CTNNA3: variants seen among roughly 807,000 people sequenced by gnomAD.
CTNNA3 encodes the protein catenin alpha 3.
In CTNNA3, 76 loss-of-function variants were observed where a neutral mutation model predicts 95.7. The observed-to-expected ratio is 0.79, with a 90% CI of 0.66 to 0.96. The LOEUF is 0.96. Among genes scored for constraint, CTNNA3 ranks in the 40% least tolerant of loss-of-function variants. CTNNA3 has a pLI of 0.00. For missense variants in CTNNA3, 1,191 were observed against 1,089.8 expected, an observed-to-expected ratio of 1.09 and a Z score of -1.31; for synonymous variants, 431 against 374.4, an observed-to-expected ratio of 1.15 and a Z score of -1.74.
chr10:66,757,328 T>C (rs1839402899), intron 9 of CTNNA3, among the ~76,000 whole-genome samples: 1 of 152,140 alleles, frequency 6.6e-6, no homozygotes. Flanking sequence ...AAAATGCCCT[T>C]CGAGTCTATA....
At chr10:67,019,872 T>C (rs1481561175) in intron 7 of CTNNA3, among the ~76,000 whole-genome samples, 1 of 152,212 alleles carries the variant, frequency 6.6e-6, no homozygotes, top group Non-Finnish European at 1.5e-5. Flanking sequence ...TTGCCTAATT[T>C]TCTCCATTGC....
intron 15 of CTNNA3, among the ~76,000 whole-genome samples, chr10:65,992,048 G>A (rs1903874): frequency 0.85 from 129,940 of 152,084 alleles, 55,739 homozygotes; most frequent in African/African-American, 0.9. Context: ...GATGTATCAC[G>A]TTTATTGATT....
At chr10:65,933,292 A>G (rs1316141317) in intron 17 of CTNNA3, among the ~76,000 whole-genome samples, 1 of 152,196 alleles carries the variant, frequency 6.6e-6, no homozygotes, top group African/African-American at 2.4e-5. Context: ...TAATAATAAT[A>G]GTTCAAATAT....
chr10:67,568,641 G>A (rs1279962943), intron 3 of CTNNA3, among the ~76,000 whole-genome samples: 1 of 151,896 alleles, frequency 6.6e-6, no homozygotes, highest in Non-Finnish European at 1.5e-5. Flanking sequence ...TCCATTTTGG[G>A]TTACCTGTAT....
chr10:66,952,786 T>A (rs959855798), intron 7 of CTNNA3, among the ~76,000 whole-genome samples: 1 of 151,978 alleles, frequency 6.6e-6, no homozygotes, highest in Non-Finnish European at 1.5e-5. Context: ...CTACTAGTTG[T>A]TAAATATTTT....
chr10:66,480,776 T>G (rs1021941831), intron 11 of CTNNA3, among the ~76,000 whole-genome samples: 20 of 151,984 alleles, frequency 1.3e-4, no homozygotes, highest in Non-Finnish European at 2.9e-5. Flanking sequence ...GGTTAATTTT[T>G]TGTATTTTTT....
chr10:67,102,658 T>A (rs16924037), intron 7 of CTNNA3, among the ~76,000 whole-genome samples: 9,315 of 151,924 alleles, frequency 0.061, 904 homozygotes, highest in African/African-American at 0.2. Flanking sequence ...GTAAATCAAA[T>A]AATATTTCAA....
At chr10:67,227,300 A>G (rs558435671) in intron 5 of CTNNA3, among the ~76,000 whole-genome samples, 2 of 152,234 alleles carry the variant, frequency 1.3e-5, no homozygotes, top group African/African-American at 2.4e-5. Context: ...CATGTTGGTC[A>G]GGTTGGTCTT....
chr10:66,169,733 T>C (rs2131827804), intron 13 of CTNNA3, among the ~76,000 whole-genome samples: 1 of 152,352 alleles, frequency 6.6e-6, no homozygotes, highest in Non-Finnish European at 1.5e-5. Flanking sequence ...AGTAAGATGG[T>C]ATTGCATTAT....
At chr10:66,270,559 T>C (rs1234223597) in intron 13 of CTNNA3, among the ~76,000 whole-genome samples, 1 of 152,180 alleles carries the variant, frequency 6.6e-6, no homozygotes, top group Non-Finnish European at 1.5e-5. Context: ...CTACATTCTT[T>C]TGTGGGAACA....
In CTNNA3 at chr10:67,526,349, A is replaced by T. The variant is rs1006588321; in HGVS notation, c.460-4388T>A. On this transcript the variant is annotated intron_variant, in intron 4 of 17. Coordinates refer to ENST00000433211, the MANE Select transcript of CTNNA3 (RefSeq NM_013266.4). ...AAAGCTCACATACATATCTCAAATG[A>T]TTTTTTTTTTTTTTTTTTTGCTGTA... 1.1e-4 allele frequency among the ~76,000 whole-genome samples: 15 copies of T among 135,676 alleles called. No homozygotes were observed. The East Asian group carries it at 2.0e-3, about 18-fold the overall frequency. 89.0% of individuals were successfully genotyped at this position (135,676 alleles called of 152,430 possible). A position where few individuals can be genotyped will look rare whatever the true frequency, so the allele number is the denominator to read the frequency against.
intron 1 of CTNNA3, among the ~76,000 whole-genome samples, chr10:67,741,499 G>A (rs1841338796): frequency 6.6e-6 from 1 of 150,874 alleles, no homozygotes; most frequent in Non-Finnish European, 1.5e-5. Context: ...AACAGCTCCT[G>A]AAGGAAGCAC....
rs530798703 is a variant in CTNNA3 at position 67,374,326 on chromosome 10, T to C, written c.579+147516A>G. Among the ~76,000 whole-genome samples, 56 of 152,288 alleles carry C rather than the reference T, an allele frequency of 3.7e-4. 1 individual carries two copies. Among genetic ancestry groups the C allele is most frequent in the Admixed American group, 1.2e-3 (19 of 15,290 alleles). ...GCCAGATTTGGTCCAAGGGCTGTAG[T>C]TTGCCCAACTCTGTTCTGGAATTTT... is the stretch of plus-strand genomic sequence containing the variant. On this transcript the variant is annotated intron_variant, in intron 5 of 17. Coordinates refer to ENST00000433211, the MANE Select transcript of CTNNA3 (RefSeq NM_013266.4).
intron 9 of CTNNA3, among the ~76,000 whole-genome samples, chr10:66,730,132 T>C (rs1848913111): frequency 6.6e-6 from 1 of 151,742 alleles, no homozygotes; most frequent in South Asian, 2.1e-4. Context: ...ATCATTCTAT[T>C]ATAAAGATAC....
At chr10:66,887,060 G>A (rs1353523864) in intron 7 of CTNNA3, among the ~76,000 whole-genome samples, 2 of 152,116 alleles carry the variant, frequency 1.3e-5, no homozygotes, top group Non-Finnish European at 2.9e-5. Context: ...GAACTGTGCT[G>A]TATCTTCAAA....
At chr10:66,801,045 T>A (rs138348321) in intron 7 of CTNNA3, among the ~76,000 whole-genome samples, 122 of 151,542 alleles carry the variant, frequency 8.1e-4, no homozygotes, top group Admixed American at 3.4e-3. Flanking sequence ...GAAGTCATAC[T>A]AATCTTATGC....
At chr10:66,818,283 G>C (rs7099760) in intron 7 of CTNNA3, among the ~76,000 whole-genome samples, 1 of 151,804 alleles carries the variant, frequency 6.6e-6, no homozygotes, top group Non-Finnish European at 1.5e-5. Flanking sequence ...TTCTAACTGG[G>C]GTAATTAGAC....
At chr10:66,136,560 A>T (rs918582138) in intron 13 of CTNNA3, among the ~76,000 whole-genome samples, 1 of 152,100 alleles carries the variant, frequency 6.6e-6, no homozygotes, top group African/African-American at 2.4e-5. Flanking sequence ...TTTAGTCTAC[A>T]TTATTAACAC....
At chr10:67,020,958 T>C (rs764864558) in intron 7 of CTNNA3, among the ~76,000 whole-genome samples, 2 of 152,196 alleles carry the variant, frequency 1.3e-5, no homozygotes, top group South Asian at 4.1e-4. Context: ...GAGAAAAGGC[T>C]AGAAGGCTAG....
Sources: allele counts gnomAD v4.1 joint callset (sites outside exome capture counted in the v4.1 genomes callset), GRCh38; gene constraint gnomAD v4.1.1; transcripts MANE v1.5; gene names NCBI Gene and HGNC (gene_info 2026-07-23, HGNC 2026-07-21).